Variants in CPED1 observed in about 807,000 individuals in gnomAD.
The protein encoded by CPED1 is cadherin like and PC-esterase domain containing 1, also known as cadherin-like and PC-esterase domain-containing protein 1.
Under a neutral mutation model 128.2 loss-of-function variants are expected in CPED1, and 114 were observed. The ratio of observed to expected loss-of-function variants is 0.89; its 90% confidence interval spans 0.76 to 1.04. The LOEUF is 1.04. Ranked by LOEUF, CPED1 falls within the 50% of genes least tolerant of loss-of-function variation. The pLI, the probability that CPED1 is intolerant of heterozygous loss-of-function variation, is 0.00. For missense variants in CPED1, 1,211 were observed against 1,207.1 expected, an observed-to-expected ratio of 1.00 and a Z score of -0.05; for synonymous variants, 462 against 426.7, an observed-to-expected ratio of 1.08 and a Z score of -1.02.
At chr7:121,095,875 G>A (rs1794687231) in intron 5 of CPED1, among the ~76,000 whole-genome samples, 1 of 152,026 alleles carries the variant, frequency 6.6e-6, no homozygotes, top group African/African-American at 2.4e-5. Context: ...TGTGCTTTTT[G>A]GCAGCAAGGT....
intron 22 of CPED1, among the ~76,000 whole-genome samples, chr7:121,277,623 G>A (rs547851211): frequency 1.9e-4 from 29 of 152,202 alleles, no homozygotes; most frequent in African/African-American, 6.7e-4. Flanking sequence ...AGGGCTGTAG[G>A]CACTTAGCCC....
intron 16 of CPED1, among the ~76,000 whole-genome samples, chr7:121,179,522 C>A (rs987491924): frequency 2.6e-5 from 4 of 152,106 alleles, no homozygotes; most frequent in African/African-American, 7.2e-5. Flanking sequence ...CTGGCATATT[C>A]TTCTAAGCAG....
intron 21 of CPED1, 83 bp from the exon 22 acceptor site, chr7:121,271,201 T>TTTA: frequency 8.9e-7 from 1 of 1,119,562 alleles, no homozygotes; most frequent in Non-Finnish European, 1.3e-6. Flanking sequence ...AAAAAAGACA[T>TTTA]TTACATAATT....
chr7:121,186,998 T>C (rs1040310246), intron 16 of CPED1, among the ~76,000 whole-genome samples: 4 of 152,214 alleles, frequency 2.6e-5, no homozygotes, highest in Non-Finnish European at 5.9e-5. Context: ...GCCCCTGGGC[T>C]CTGGAGCACA....
At chr7:121,110,470 A>C (rs1285444344) in intron 7 of CPED1, among the ~76,000 whole-genome samples, 1 of 152,172 alleles carries the variant, frequency 6.6e-6, no homozygotes, top group Non-Finnish European at 1.5e-5. Context: ...GATTGCCCTG[A>C]ATAGGTGATA....
chr7:121,129,305 A>ATATG (rs1563037511), intron 11 of CPED1, among the ~76,000 whole-genome samples: 5 of 5,626 alleles, frequency 8.9e-4, no homozygotes, highest in African/African-American at 1.1e-3. Flanking sequence ...ATATATATAT[A>ATATG]TATATACGTA....
intron 16 of CPED1, among the ~76,000 whole-genome samples, chr7:121,158,005 A>T (rs76951038): frequency 2.1e-3 from 327 of 152,200 alleles, no homozygotes; most frequent in African/African-American, 7.4e-3. Flanking sequence ...ACTGTAAAAA[A>T]TTTTTTGATG....
chr7:121,128,127 C>G (rs1035313845), intron 10 of CPED1, among the ~76,000 whole-genome samples: 14 of 152,078 alleles, frequency 9.2e-5, no homozygotes, highest in Admixed American at 2.0e-4. Context: ...TTTTATAACA[C>G]GTTAGCATCT....
At chr7:121,034,906 A>C (rs1792846883) in intron 3 of CPED1, among the ~76,000 whole-genome samples, 1 of 152,232 alleles carries the variant, frequency 6.6e-6, no homozygotes, top group Admixed American at 6.5e-5. Flanking sequence ...TCTGAAGGGC[A>C]GAAATAAAAT....
At chr7:121,027,264 G>GTA (rs1301999115) in intron 3 of CPED1, among the ~76,000 whole-genome samples, 2 of 151,918 alleles carry the variant, frequency 1.3e-5, no homozygotes, top group Admixed American at 6.6e-5. Flanking sequence ...GATGCCTAGG[G>GTA]TATGATTTGT....
At chr7:121,186,519 C>T (rs1212613804) in intron 16 of CPED1, among the ~76,000 whole-genome samples, 1 of 152,012 alleles carries the variant, frequency 6.6e-6, no homozygotes, top group African/African-American at 2.4e-5. Flanking sequence ...CAGCATAATA[C>T]ATATTCCTTA....
intron 16 of CPED1, among the ~76,000 whole-genome samples, chr7:121,159,086 T>A (rs1427176851): frequency 6.6e-6 from 1 of 152,156 alleles, no homozygotes; most frequent in African/African-American, 2.4e-5. Context: ...TAAACCATAC[T>A]GGTATTGGTT....
At position 121,260,223 on chromosome 7, in the gene CPED1, G is replaced by GTTT. The variant is rs59370305; in HGVS notation, c.2311-5981_2311-5979dup. Among the ~76,000 whole-genome samples, 618 of 70,042 alleles carry GTTT rather than the reference G, an allele frequency of 8.8e-3. 23 individuals carry two copies. The highest frequency in any genetic ancestry group is 0.014 in the Middle Eastern group (1 of 74). The allele number at this position is 70,042 out of a possible 152,430, so 46.0% of individuals were successfully genotyped here. On this transcript the variant is annotated intron_variant, in intron 18 of 22. Coordinates refer to ENST00000310396, the MANE Select transcript of CPED1 (RefSeq NM_024913.5). ...GATGTTGTAGAGTTGCTTGCTTCGC[G>GTTT]TTTTTTTTTTTTTTTTTTTTTTTTT...
At chr7:121,174,201 G>T (rs1796722665) in intron 16 of CPED1, among the ~76,000 whole-genome samples, 1 of 152,104 alleles carries the variant, frequency 6.6e-6, no homozygotes, top group South Asian at 2.1e-4. Context: ...AGTTTTGTTT[G>T]CAGTGCAGAA....
Position 121,283,932 on chromosome 7 carries a change from C to CT in CPED1, c.2869-11502dup, listed in dbSNP as rs751756716. Among the ~76,000 whole-genome samples the CT allele has an allele frequency of 2.6e-5, 4 of 152,290 alleles. No homozygotes were observed. In the East Asian group the frequency reaches 5.8e-4, roughly 22 times the overall value. ...ATGAGTTATACTGTTTAGTGAAACA[C>CT]TTTTTTCAGCAGTTACTTATAGTTG... On this transcript the variant is annotated intron_variant, in intron 22 of 22. Coordinates refer to ENST00000310396, the MANE Select transcript of CPED1 (RefSeq NM_024913.5).
intron 2 of CPED1, among the ~76,000 whole-genome samples, chr7:120,997,430 G>A (rs751078417): frequency 1.3e-5 from 2 of 152,110 alleles, no homozygotes; most frequent in Non-Finnish European, 2.9e-5. Flanking sequence ...TTTTATTATA[G>A]CCCCATATGC....
intron 16 of CPED1, among the ~76,000 whole-genome samples, chr7:121,188,273 AT>A (rs918641498): frequency 1.3e-5 from 2 of 152,040 alleles, no homozygotes; most frequent in African/African-American, 4.8e-5. Flanking sequence ...CAAATTTATT[AT>A]TTTTTTATTC....
chr7:121,011,187 G>GA (rs1238211665), intron 2 of CPED1, among the ~76,000 whole-genome samples: 7 of 150,700 alleles, frequency 4.6e-5, no homozygotes, highest in Non-Finnish European at 7.4e-5. Context: ...AATAAATCCA[G>GA]AAAAAAATCT....
chr7:121,184,754 C>T (rs1449414273), intron 16 of CPED1, among the ~76,000 whole-genome samples: 1 of 152,072 alleles, frequency 6.6e-6, no homozygotes, highest in Non-Finnish European at 1.5e-5. Context: ...TTAGTTCTCA[C>T]TGATGGAAAA....
Sources: allele counts gnomAD v4.1 joint callset (sites outside exome capture counted in the v4.1 genomes callset), GRCh38; gene constraint gnomAD v4.1.1; transcripts MANE v1.5; gene names NCBI Gene and HGNC (gene_info 2026-07-23, HGNC 2026-07-21).